The following RAD51B variants were observed in gnomAD, a reference collection of about 807,000 sequenced individuals.
The protein encoded by RAD51B is DNA repair protein RAD51 homolog 2.
In RAD51B, 38 loss-of-function variants were observed where a neutral mutation model predicts 42.2. The ratio of observed to expected loss-of-function variants is 0.90; its 90% CI spans 0.70 to 1.18. The LOEUF (loss-of-function observed/expected upper bound fraction) is 1.18. Among genes scored for constraint, RAD51B ranks in the 50% most tolerant of loss-of-function variants. The pLI is 0.00. For missense variants in RAD51B, 373 were observed against 400.7 expected (o/e 0.93, Z 0.59); for synonymous variants, 154 against 145.2 (o/e 1.06, Z -0.43).
chr14:68,236,186 GTA>G (rs1374486304), intron 7 of RAD51B: 6 of 152,140 alleles, frequency 3.9e-5, no homozygotes, highest in African/African-American at 1.4e-4. Context: ...TAACAAACTG[GTA>G]TATGTGCCCC....
At chr14:67,827,310 G>T (rs890183234) in intron 3 of RAD51B, among the ~76,000 whole-genome samples, 8 of 152,122 alleles carry the variant, frequency 5.3e-5, no homozygotes, top group African/African-American at 1.9e-4. Flanking sequence ...GCATGGTCCC[G>T]AAATTCAACT....
chr14:68,209,082 C>A (rs1201298101), intron 7 of RAD51B, among the ~76,000 whole-genome samples: 1 of 152,126 alleles, frequency 6.6e-6, no homozygotes, highest in Non-Finnish European at 1.5e-5. Context: ...TGATAGGTGA[C>A]CCAGTTTGGA....
At chr14:68,344,864 G>A (rs184457183) in intron 8 of RAD51B, among the ~76,000 whole-genome samples, 5,215 of 147,210 alleles carry the variant, frequency 0.035, 126 homozygotes, top group Middle Eastern at 0.052. Flanking sequence ...GGAGAATGGC[G>A]TGAACCCAGG....
chr14:68,320,459 GC>G (rs756826450), intron 8 of RAD51B, among the ~76,000 whole-genome samples: 5 of 152,196 alleles, frequency 3.3e-5, no homozygotes, highest in Non-Finnish European at 7.3e-5. Flanking sequence ...ATAGCTAACA[GC>G]TTTGAGATGA....
chr14:68,196,224 C>T (rs979693381), intron 7 of RAD51B, among the ~76,000 whole-genome samples: 3 of 151,946 alleles, frequency 2.0e-5, no homozygotes, highest in African/African-American at 7.2e-5. Flanking sequence ...TCCTTTGTCG[C>T]TTTCTTGCTG....
chr14:68,235,248 C>G (rs1267038127), intron 7 of RAD51B, among the ~76,000 whole-genome samples: 2 of 151,974 alleles, frequency 1.3e-5, no homozygotes, highest in African/African-American at 2.4e-5. Context: ...ATCATTAGGA[C>G]AGCTACAGTG....
intron 7 of RAD51B, among the ~76,000 whole-genome samples, chr14:68,031,077 C>T (rs549879082): frequency 6.8e-4 from 104 of 152,282 alleles, no homozygotes; most frequent in Admixed American, 1.2e-3. Context: ...CATTTTCACA[C>T]TGCTGATAAA....
intron 9 of RAD51B, among the ~76,000 whole-genome samples, chr14:68,461,618 C>T (rs1252034545): frequency 6.6e-6 from 1 of 152,196 alleles, no homozygotes; most frequent in Non-Finnish European, 1.5e-5. Flanking sequence ...GAAGTCTCCC[C>T]TACCCACCCA....
At chr14:68,671,627 C>T (rs980373702) in intron 11 of RAD51B, among the ~76,000 whole-genome samples, 2 of 152,084 alleles carry the variant, frequency 1.3e-5, no homozygotes, top group Non-Finnish European at 2.9e-5. Context: ...GTGCTCACTG[C>T]ATTTTTTGCC....
chr14:68,566,819 T>C (rs1033444077), intron 10 of RAD51B, among the ~76,000 whole-genome samples: 1 of 152,152 alleles, frequency 6.6e-6, no homozygotes, highest in Non-Finnish European at 1.5e-5. Context: ...GCTTTCAAGA[T>C]TCTTCATTAT....
intron 10 of RAD51B, among the ~76,000 whole-genome samples, chr14:68,473,094 C>T (rs2086166606): frequency 6.6e-6 from 1 of 152,180 alleles, no homozygotes; most frequent in African/African-American, 2.4e-5. Flanking sequence ...AATCAGTAAC[C>T]TATCAAAATG....
At chr14:68,087,893 ATATT>A in intron 7 of RAD51B, among the ~76,000 whole-genome samples, 1 of 117,704 alleles carries the variant, frequency 8.5e-6, no homozygotes, top group Non-Finnish European at 1.6e-5. Flanking sequence ...ATTATATAAT[ATATT>A]ATTTATATAA....
chr14:68,357,262 C>G (rs1399551481), intron 8 of RAD51B, among the ~76,000 whole-genome samples: 2 of 152,200 alleles, frequency 1.3e-5, no homozygotes, highest in Non-Finnish European at 1.5e-5. Context: ...CCAAAAGAAG[C>G]AACTCCTCAT....
chr14:68,160,940 G>T (rs950352812), intron 7 of RAD51B, among the ~76,000 whole-genome samples: 26 of 152,164 alleles, frequency 1.7e-4, no homozygotes, highest in African/African-American at 5.8e-4. Context: ...AACTCTCTTG[G>T]AATGTCTAGC....
chr14:68,520,268 G>GC (rs1886481247), intron 10 of RAD51B, among the ~76,000 whole-genome samples: 1 of 152,184 alleles, frequency 6.6e-6, no homozygotes, highest in South Asian at 2.1e-4. Context: ...AACCATCAGA[G>GC]CCCCCATACC....
intron 7 of RAD51B, among the ~76,000 whole-genome samples, chr14:68,083,935 A>G (rs1032878783): frequency 6.6e-6 from 1 of 152,230 alleles, no homozygotes; most frequent in African/African-American, 2.4e-5. Flanking sequence ...AAGAGAGTGA[A>G]AAAGACAGAG....
At chr14:68,097,991 CT>C (rs1335481717) in intron 7 of RAD51B, among the ~76,000 whole-genome samples, 1 of 152,204 alleles carries the variant, frequency 6.6e-6, no homozygotes, top group Non-Finnish European at 1.5e-5. Context: ...CTCACTGAAG[CT>C]TTACCTGGAG....
At chr14:68,329,752 C>G (rs111490484) in intron 8 of RAD51B, among the ~76,000 whole-genome samples, 18 of 152,116 alleles carry the variant, frequency 1.2e-4, no homozygotes, top group African/African-American at 3.9e-4. Context: ...GAGGCCGAGG[C>G]AGGTGGATCA....
At chr14:68,674,850 G>A (rs1893271752) in intron 11 of RAD51B, among the ~76,000 whole-genome samples, 1 of 148,176 alleles carries the variant, frequency 6.7e-6, no homozygotes, top group Non-Finnish European at 1.5e-5. Context: ...TGGTTTCCCA[G>A]CCACAGACCC....
Sources: gnomAD v4.1 joint callset for allele counts (sites outside exome capture counted in the v4.1 genomes callset) on GRCh38, gnomAD v4.1.1 for gene constraint, MANE v1.5 for transcripts, NCBI Gene and HGNC (gene_info 2026-07-23, HGNC 2026-07-21) for gene names.